CARMIL1: variants seen among roughly 807,000 people sequenced by gnomAD.
The protein encoded by CARMIL1 is F-actin-uncapping protein LRRC16A.
A neutral mutation model predicts 177.1 loss-of-function variants in CARMIL1; 90 were observed. The observed-to-expected ratio is 0.51, with a 90% CI of 0.43 to 0.61. CARMIL1 has a LOEUF of 0.61. Among genes scored for constraint, CARMIL1 ranks in the 20% least tolerant of loss-of-function variants. The pLI is 0.00. For synonymous variants in CARMIL1, 577 were observed against 606.2 expected (o/e 0.95, Z 0.71); for missense variants, 1,380 against 1,667.0 (o/e 0.83, Z 3.00).
chr6:25,563,906 T>C (rs772546894), intron 29 of CARMIL1: 4 of 983,758 alleles, frequency 4.1e-6, no homozygotes, highest in South Asian at 9.4e-5. Context: ...TTTCAAACCT[T>C]TGGTAACAAC....
At chr6:25,457,320 G>A (rs1799623801) in intron 8 of CARMIL1, among the ~76,000 whole-genome samples, 1 of 151,976 alleles carries the variant, frequency 6.6e-6, no homozygotes, top group African/African-American at 2.4e-5. Flanking sequence ...TTAGAGGGGA[G>A]GATATGCAAA....
At chr6:25,495,030 T>C in intron 15 of CARMIL1, 81 bp from the exon 16 acceptor site, 1 of 759,370 alleles carries the variant, frequency 1.3e-6, no homozygotes, top group South Asian at 1.8e-5. Context: ...GACTGATTTG[T>C]AGATTTCACA....
At chr6:25,527,654 A>G (rs1485351303) in intron 23 of CARMIL1, 1 of 444,132 alleles carries the variant, frequency 2.3e-6, no homozygotes, top group Non-Finnish European at 4.5e-6. Flanking sequence ...CAAGGCATTA[A>G]TGTGCCACTT....
intron 29 of CARMIL1, among the ~76,000 whole-genome samples, chr6:25,574,719 C>T (rs1486877469): frequency 2.0e-5 from 3 of 152,122 alleles, no homozygotes; most frequent in Non-Finnish European, 4.4e-5. Context: ...TTGAAACTTG[C>T]CTTTTTCACT....
At chr6:25,563,037 A>G (rs1048912636) in intron 29 of CARMIL1, among the ~76,000 whole-genome samples, 1 of 152,264 alleles carries the variant, frequency 6.6e-6, no homozygotes, top group Non-Finnish European at 1.5e-5. Flanking sequence ...ATAGGAATAT[A>G]CTTAAGGAGG....
chr6:25,477,623 A>G (rs561981496), intron 11 of CARMIL1, among the ~76,000 whole-genome samples: 1 of 148,938 alleles, frequency 6.7e-6, no homozygotes, highest in African/African-American at 2.5e-5. Flanking sequence ...ATGACAAGCA[A>G]TTTTTTTTTT....
chr6:25,469,961 C>G lies in CARMIL1; in HGVS notation c.691-1208C>G, dbSNP rs532152664. On this transcript the variant is annotated intron_variant, in intron 9 of 36. Transcript: ENST00000329474. The stretch of plus-strand genomic sequence containing the variant: ...AAACATTAATAAAGAAAAAAATGCC[C>G]AATTCTACCACCAGGGCACAACTCT... Among the ~76,000 whole-genome samples, 37 of 152,266 alleles carry G rather than the reference C, an allele frequency of 2.4e-4. No homozygotes were observed. In the East Asian group the frequency reaches 5.2e-3, roughly 21 times the overall value.
intron 24 of CARMIL1, among the ~76,000 whole-genome samples, chr6:25,537,189 G>A (rs1269642397): frequency 1.3e-5 from 2 of 152,172 alleles, no homozygotes; most frequent in Admixed American, 1.3e-4. Context: ...TAAACTGGTA[G>A]GGGAGGCATC....
At chr6:25,617,325 T>C (rs981626284) in intron 36 of CARMIL1, among the ~76,000 whole-genome samples, 8 of 152,210 alleles carry the variant, frequency 5.3e-5, no homozygotes, top group Non-Finnish European at 1.0e-4. Flanking sequence ...ATTTTTGGTT[T>C]CTTGAATTTC....
chr6:25,341,580 G>A (rs371824888), intron 2 of CARMIL1, among the ~76,000 whole-genome samples: 22 of 152,144 alleles, frequency 1.4e-4, no homozygotes, highest in Non-Finnish European at 2.9e-4. Context: ...AAAAATTAGC[G>A]TGGTGCACAC....
intron 26 of CARMIL1, among the ~76,000 whole-genome samples, chr6:25,546,669 C>CAAAAAAAAAAAAAAAAAAAAAA (rs58285338): frequency 8.7e-6 from 1 of 115,486 alleles, no homozygotes; most frequent in African/African-American, 3.3e-5. Context: ...ACAACAACAA[C>CAAAAAAAAAAAAAAAAAAAAAA]AAAAAAAAAA....
chr6:25,522,615 T>C (rs1806684812), intron 23 of CARMIL1, among the ~76,000 whole-genome samples: 1 of 152,178 alleles, frequency 6.6e-6, no homozygotes, highest in African/African-American at 2.4e-5. Context: ...CAGAGGCCCT[T>C]TCCTTCTCTA....
chr6:25,608,045 G>C (rs983111139), intron 35 of CARMIL1, among the ~76,000 whole-genome samples: 1 of 152,186 alleles, frequency 6.6e-6, no homozygotes, highest in Non-Finnish European at 1.5e-5. Flanking sequence ...ATTTTTAATA[G>C]AAAGCAAAGC....
intron 29 of CARMIL1, among the ~76,000 whole-genome samples, chr6:25,574,788 A>G (rs1221237479): frequency 6.6e-6 from 1 of 151,928 alleles, no homozygotes; most frequent in Non-Finnish European, 1.5e-5. Flanking sequence ...TTTTCCTTTT[A>G]ATTGATGTTC....
At chr6:25,498,592 G>A (rs1199024228) in intron 16 of CARMIL1, among the ~76,000 whole-genome samples, 1 of 152,176 alleles carries the variant, frequency 6.6e-6, no homozygotes, top group Non-Finnish European at 1.5e-5. Context: ...TCATAAAAAT[G>A]CAATGTTGAA....
At chr6:25,462,117 G>A (rs1251907936) in intron 8 of CARMIL1, among the ~76,000 whole-genome samples, 1 of 152,086 alleles carries the variant, frequency 6.6e-6, no homozygotes, top group Non-Finnish European at 1.5e-5. Flanking sequence ...GTCAGCATGT[G>A]GCTTATCTTT....
chr6:25,500,133 T>C (rs1333161696), intron 16 of CARMIL1, 33 bp from the exon 17 acceptor site: 1 of 1,593,460 alleles, frequency 6.3e-7, no homozygotes, highest in African/African-American at 1.3e-5. Context: ...GTGTGTGGAA[T>C]GTGTATCTAA....
intron 29 of CARMIL1, among the ~76,000 whole-genome samples, chr6:25,561,588 T>TA (rs1811115175): frequency 6.6e-6 from 1 of 152,210 alleles, no homozygotes; most frequent in Admixed American, 6.5e-5. Flanking sequence ...TCAGTATATA[T>TA]TTTTTAAGTT....
At chr6:25,523,006 C>T (rs774124410) in intron 23 of CARMIL1, among the ~76,000 whole-genome samples, 59 of 152,238 alleles carry the variant, frequency 3.9e-4, no homozygotes, top group Non-Finnish European at 6.8e-4. Flanking sequence ...ACTATGTTGC[C>T]CAAGCTGGTC....
Sources: gnomAD v4.1 joint callset for allele counts (sites outside exome capture counted in the v4.1 genomes callset) on GRCh38, gnomAD v4.1.1 for gene constraint, MANE v1.5 for transcripts, NCBI Gene and HGNC (gene_info 2026-07-23, HGNC 2026-07-21) for gene names.